ABAT: variants seen among roughly 807,000 people sequenced by gnomAD.
ABAT encodes the protein 4-aminobutyrate aminotransferase, mitochondrial.
A neutral mutation model predicts 64.6 loss-of-function variants in ABAT; 45 were observed. That is an observed-to-expected ratio of 0.70 (90% CI 0.55 to 0.89). The LOEUF is 0.89. ABAT is among the 40% of genes least tolerant of loss of function. The pLI is 0.00. For missense variants in ABAT, 633 were observed against 658.4 expected, an observed-to-expected ratio of 0.96 and a Z score of 0.42; for synonymous variants, 297 against 250.5, an observed-to-expected ratio of 1.19 and a Z score of -1.75.
At chr16:8,677,642 C>A (rs931712329) in intron 1 of ABAT, among the ~76,000 whole-genome samples, 1 of 152,132 alleles carries the variant, frequency 6.6e-6, no homozygotes, top group African/African-American at 2.4e-5. Flanking sequence ...GGTCTCTACC[C>A]ACTAGATGCC....
intron 8 of ABAT, among the ~76,000 whole-genome samples, chr16:8,765,180 T>G (rs2059909455): frequency 1.4e-5 from 2 of 144,628 alleles, no homozygotes; most frequent in Admixed American, 6.9e-5. Flanking sequence ...AAAAAAAAAT[T>G]CAAAAATTGG....
chr16:8,760,669 T>C (rs112477850), intron 6 of ABAT, among the ~76,000 whole-genome samples: 2,036 of 152,330 alleles, frequency 0.013, 46 homozygotes, highest in African/African-American at 0.046. Flanking sequence ...GAATCCCAGA[T>C]GCCTTGGCAG....
At chr16:8,711,590 C>T (rs2058070113) in intron 1 of ABAT, among the ~76,000 whole-genome samples, 1 of 152,140 alleles carries the variant, frequency 6.6e-6, no homozygotes, top group South Asian at 2.1e-4. Flanking sequence ...ATGCAGGACA[C>T]CCTGCTGAAC....
At chr16:8,716,415 G>A in intron 1 of ABAT, among the ~76,000 whole-genome samples, 1 of 152,280 alleles carries the variant, frequency 6.6e-6, no homozygotes, top group East Asian at 1.9e-4. Context: ...AGTGTCTGCT[G>A]TTGCTGCTGC....
intron 5 of ABAT, among the ~76,000 whole-genome samples, chr16:8,753,128 C>G (rs988194054): frequency 1.4e-5 from 2 of 145,504 alleles, no homozygotes; most frequent in Non-Finnish European, 3.0e-5. Context: ...GAGTCTTGCT[C>G]TGTCGCCCAG....
chr16:8,715,087 C>A (rs934210123), intron 1 of ABAT: 1 of 152,274 alleles, frequency 6.6e-6, no homozygotes, highest in African/African-American at 2.4e-5. Context: ...TCTGACATCA[C>A]ATGTCCAACC....
intron 1 of ABAT, among the ~76,000 whole-genome samples, chr16:8,684,083 C>T (rs938228520): frequency 7.2e-5 from 11 of 151,914 alleles, no homozygotes; most frequent in Non-Finnish European, 1.2e-4. Context: ...AGGAGAGTGC[C>T]GAAGGTGTGT....
In ABAT at chr16:8,782,927, A is replaced by G. The variant is rs1208472850; in HGVS notation, c.*1497A>G. 1 of 152,160 alleles carries G rather than the reference A, an allele frequency of 6.6e-6. No homozygotes were observed. Among genetic ancestry groups the G allele is most frequent in the Non-Finnish European group, 1.5e-5 (1 of 68,022 alleles). The allele number at this position is 152,160 out of a possible 1,614,324, so 9.4% of individuals were successfully genotyped here. On this transcript the variant is annotated 3_prime_UTR_variant, in exon 16 of 16. Transcript: ENST00000268251. ...AATAACAAATCGTCCAAAGATCTCAAAGTAAGGGTTTTTTTTTTTAGCTTC... is the reference window on the plus strand; with the variant it reads ...AATAACAAATCGTCCAAAGATCTCAGAGTAAGGGTTTTTTTTTTTAGCTTC...
At chr16:8,748,065 G>T in intron 3 of ABAT, 43 bp from the exon 4 acceptor site, 1 of 1,598,286 alleles carries the variant, frequency 6.3e-7, no homozygotes, top group South Asian at 1.1e-5. Flanking sequence ...ATTTTGGCAA[G>T]AGTGTGGACT....
chr16:8,718,332 T>C (rs980154084), intron 1 of ABAT, among the ~76,000 whole-genome samples: 2 of 152,102 alleles, frequency 1.3e-5, no homozygotes, highest in African/African-American at 2.4e-5. Context: ...TAAAATACAA[T>C]ACATAAGCAG....
At chr16:8,716,352 T>C (rs1255242460) in intron 1 of ABAT, among the ~76,000 whole-genome samples, 2 of 152,178 alleles carry the variant, frequency 1.3e-5, no homozygotes, top group Non-Finnish European at 2.9e-5. Context: ...TGATGGGTAT[T>C]ATGATATATA....
intron 1 of ABAT, among the ~76,000 whole-genome samples, chr16:8,734,095 A>G (rs2058841638): frequency 6.6e-6 from 1 of 152,144 alleles, no homozygotes; most frequent in Non-Finnish European, 1.5e-5. Context: ...TACAGTGAAC[A>G]TGGGTTAAAA....
intron 2 of ABAT, among the ~76,000 whole-genome samples, chr16:8,739,293 T>C (rs1213271374): frequency 3.3e-5 from 5 of 152,236 alleles, no homozygotes; most frequent in Non-Finnish European, 7.3e-5. Flanking sequence ...GTGATTGGAT[T>C]GCTACCTTCA....
intron 1 of ABAT, among the ~76,000 whole-genome samples, chr16:8,681,641 C>CTT (rs35141742): frequency 7.0e-5 from 9 of 127,770 alleles, no homozygotes; most frequent in Middle Eastern, 3.9e-3. Flanking sequence ...TGACTGCTAT[C>CTT]TTTTTTTTTT....
In ABAT at chr16:8,764,169, T is replaced by A. The variant is rs2142920753; in HGVS notation, c.447+20T>A. 6.2e-7 allele frequency: 1 copy of A among 1,604,300 alleles called. No homozygotes were observed. The highest frequency in any genetic ancestry group is 8.5e-7 in the Non-Finnish European group (1 of 1,172,480). ...CTCTCGGTGAGTTCTGGAGAAGCAA[T>A]CCCATTGTCTTCAGACGTGGTACTG... On this transcript the variant is annotated intron_variant, in intron 7 of 15. Coordinates refer to ENST00000268251, the MANE Select transcript of ABAT (RefSeq NM_020686.6). The surrounding 1 kb of genome is among the most constrained non-coding windows in gnomAD (Gnocchi z 4.2).
Position 8,764,104 on chromosome 16 carries a change from G to T in ABAT, c.402G>T (p.Leu134=). 6.2e-7 allele frequency: 1 copy of T among 1,613,574 alleles called. No individual in the cohort carries two copies. ...MFVNRPALGI[L]PPENFVEKLR... is the part of the protein sequence containing the mutation. ...TCAACAGACCCGCCCTCGGAATCCT[G>T]CCTCCGGAGAACTTTGTGGAGAAGC... Residue 134 remains leucine, a synonymous_variant, in exon 7 of 16, where the codon CTG becomes CTT. Coordinates refer to ENST00000268251, the MANE Select transcript of ABAT (RefSeq NM_020686.6). The surrounding 1 kb of genome is among the most constrained non-coding windows in gnomAD (Gnocchi z 4.2).
chr16:8,763,264 G>A (rs951083033), intron 6 of ABAT, among the ~76,000 whole-genome samples: 1 of 152,164 alleles, frequency 6.6e-6, no homozygotes, highest in South Asian at 2.1e-4. Flanking sequence ...CTTCTTGGCT[G>A]TGTGACTTGG....
At chr16:8,690,754 G>C (rs190759992) in intron 1 of ABAT, among the ~76,000 whole-genome samples, 10 of 152,326 alleles carry the variant, frequency 6.6e-5, no homozygotes, top group Admixed American at 5.9e-4. Context: ...TATCTGCTGG[G>C]TTTCTATAGA....
rs369387952 is a variant in ABAT, at chr16:8,781,924, G to A, written c.*494G>A. On this transcript the variant is annotated 3_prime_UTR_variant, in exon 16 of 16. Coordinates refer to ENST00000268251, the MANE Select transcript of ABAT (RefSeq NM_020686.6). This position sits in a 1 kb window ranked among gnomAD's most constrained non-coding sequence, Gnocchi z 4.5. ...CCCAGCCTCCCGGAGCTCTGAGCAC[G>A]CCCCACGCATGGTGCAGGAGGGACT... 5.9e-5 allele frequency: 18 copies of A among 307,422 alleles called. No homozygotes were observed. The highest frequency in any genetic ancestry group is 1.0e-4 in the Non-Finnish European group (16 of 158,176). 19.0% of individuals were successfully genotyped at this position (307,422 alleles called of 1,614,324 possible).
Sources: gnomAD v4.1 joint callset for allele counts (sites outside exome capture counted in the v4.1 genomes callset) on GRCh38, gnomAD v4.1.1 for gene constraint, Gnocchi (gnomAD v3.1) non-coding constraint, MANE v1.5 for transcripts, NCBI Gene and HGNC (gene_info 2026-07-23, HGNC 2026-07-21) for gene names.